Variants in REEP1 observed in about 807,000 individuals in gnomAD.
The protein encoded by REEP1 is receptor expression-enhancing protein 1.
Under a neutral mutation model 40.3 loss-of-function variants are expected in REEP1, and 22 were observed. The ratio of observed to expected loss-of-function variants is 0.55; its 90% CI spans 0.39 to 0.78. REEP1 has a LOEUF of 0.78. Ranked by LOEUF, REEP1 falls within the 30% of genes least tolerant of loss-of-function variation. The pLI is 0.00. For missense variants in REEP1, 280 were observed against 361.1 expected, an observed-to-expected ratio of 0.78 and a Z score of 1.82; for synonymous variants, 116 against 139.2, an observed-to-expected ratio of 0.83 and a Z score of 1.17.
intron 3 of REEP1, among the ~76,000 whole-genome samples, chr2:86,257,646 T>C (rs1232514111): frequency 6.6e-6 from 1 of 151,818 alleles, no homozygotes; most frequent in Non-Finnish European, 1.5e-5. Flanking sequence ...CTTTTTTTTT[T>C]TTTTTTTTGA....
At chr2:86,233,223 G>A (rs1310222938) in intron 5 of REEP1, among the ~76,000 whole-genome samples, 4 of 152,268 alleles carry the variant, frequency 2.6e-5, no homozygotes, top group South Asian at 4.2e-4. Flanking sequence ...TGAGAATCTG[G>A]TCAGGCAATC....
At chr2:86,275,600 A>G (rs1574069428) in intron 2 of REEP1, among the ~76,000 whole-genome samples, 1 of 152,220 alleles carries the variant, frequency 6.6e-6, no homozygotes, top group Non-Finnish European at 1.5e-5. Flanking sequence ...AAATGATTCC[A>G]CCTAGCCAAT....
intron 1 of REEP1, among the ~76,000 whole-genome samples, chr2:86,311,365 C>T (rs544228974): frequency 3.3e-5 from 5 of 152,162 alleles, no homozygotes; most frequent in Admixed American, 2.6e-4. Flanking sequence ...CCTAGGGCTG[C>T]AGTAACAAAG....
intron 8 of REEP1, among the ~76,000 whole-genome samples, chr2:86,218,047 A>G (rs1286237940): frequency 6.6e-6 from 1 of 151,912 alleles, no homozygotes; most frequent in Non-Finnish European, 1.5e-5. Context: ...TTCTTTCTCT[A>G]CACTGTGCCC....
At chr2:86,295,079 C>T (rs1340347898) in intron 1 of REEP1, among the ~76,000 whole-genome samples, 1 of 152,156 alleles carries the variant, frequency 6.6e-6, no homozygotes, top group East Asian at 1.9e-4. Context: ...AGCTGGAAAA[C>T]AGCAGCTTTA....
intron 2 of REEP1, among the ~76,000 whole-genome samples, chr2:86,269,554 T>C (rs956724126): frequency 6.6e-6 from 1 of 152,184 alleles, no homozygotes; most frequent in Non-Finnish European, 1.5e-5. Flanking sequence ...AATTTTGCAT[T>C]GCTCTTTTGA....
intron 5 of REEP1, among the ~76,000 whole-genome samples, chr2:86,247,317 T>C (rs1015454486): frequency 2.6e-5 from 4 of 152,174 alleles, no homozygotes; most frequent in Non-Finnish European, 5.9e-5. Flanking sequence ...GAGGGTGGGA[T>C]AGGGGTTAAA....
chr2:86,267,748 G>A (rs146189529), intron 2 of REEP1, among the ~76,000 whole-genome samples: 10 of 151,790 alleles, frequency 6.6e-5, no homozygotes, highest in African/African-American at 2.4e-4. Flanking sequence ...GGACACCATC[G>A]AGAAAGTAAA....
Position 86,241,485 on chromosome 2 carries a change from A to G in REEP1, c.418-8683T>C, listed in dbSNP as rs117126887. Among the ~76,000 whole-genome samples the G allele has an allele frequency of 5.9e-4, 90 of 152,298 alleles. 6 individuals are homozygous for G. In the East Asian group the frequency reaches 0.015, roughly 25 times the overall value. ...GCTGATCGATCATCAGAAGAGCAGT[A>G]CCCTGGGGTGTGAGAGACTCTAAAA... On this transcript the variant is annotated intron_variant, in intron 5 of 8. Transcript: ENST00000538924.
intron 1 of REEP1, among the ~76,000 whole-genome samples, chr2:86,283,336 G>T (rs1678201058): frequency 6.6e-6 from 1 of 152,158 alleles, no homozygotes; most frequent in African/African-American, 2.4e-5. Context: ...GACAGATGAG[G>T]TCACCCCAGG....
chr2:86,288,594 C>T (rs1484085266), intron 1 of REEP1, among the ~76,000 whole-genome samples: 1 of 152,150 alleles, frequency 6.6e-6, no homozygotes, highest in Non-Finnish European at 1.5e-5. Flanking sequence ...TACATGTCTC[C>T]TTGGGCACAT....
chr2:86,323,896 C>T (rs530154712), intron 1 of REEP1, among the ~76,000 whole-genome samples: 1 of 152,142 alleles, frequency 6.6e-6, no homozygotes, highest in Admixed American at 6.5e-5. Flanking sequence ...CAGGGCACTG[C>T]AGGTCTGAAG....
intron 2 of REEP1, among the ~76,000 whole-genome samples, chr2:86,275,194 C>G (rs1238853399): frequency 1.3e-5 from 2 of 152,138 alleles, no homozygotes; most frequent in East Asian, 3.9e-4. Context: ...CATCTGCTCA[C>G]CGTGGATGGC....
chr2:86,309,382 G>A (rs1679653685), intron 1 of REEP1, among the ~76,000 whole-genome samples: 1 of 152,232 alleles, frequency 6.6e-6, no homozygotes. Flanking sequence ...GGAGAGACCT[G>A]AAGACCAACT....
intron 4 of REEP1, among the ~76,000 whole-genome samples, chr2:86,252,584 A>G (rs1470956489): frequency 6.6e-6 from 1 of 152,228 alleles, no homozygotes; most frequent in Non-Finnish European, 1.5e-5. Context: ...ATTCCAGTAA[A>G]ACATCTAACA....
At chr2:86,318,397 TTTC>T (rs200041817) in intron 1 of REEP1, among the ~76,000 whole-genome samples, 39,844 of 130,912 alleles carry the variant, frequency 0.3, 6,445 homozygotes, top group East Asian at 0.51. Context: ...TTTCTTTTCT[TTTC>T]TTTTTTTTTT....
At chr2:86,245,913 C>T (rs553991307) in intron 5 of REEP1, among the ~76,000 whole-genome samples, 22 of 151,984 alleles carry the variant, frequency 1.4e-4, no homozygotes, top group East Asian at 1.2e-3. Context: ...TACAGGCGCC[C>T]GCCACCACGC....
intron 5 of REEP1, among the ~76,000 whole-genome samples, chr2:86,250,294 G>C (rs930545990): frequency 1.3e-5 from 2 of 152,196 alleles, no homozygotes; most frequent in African/African-American, 4.8e-5. Context: ...AATGAATGGA[G>C]GAAAGAGCAG....
rs1000846394 is a variant in REEP1, at chr2:86,216,257, T to G, written c.*782A>C. On this transcript the variant is annotated 3_prime_UTR_variant, in exon 9 of 9. Transcript: ENST00000538924. Reference sequence around the variant, plus strand: ...AGATTCAGAAGCTCCTAATCCAGAATCCAGGGAGGAGATGAGCTTCCTGTG... The same window carrying G: ...AGATTCAGAAGCTCCTAATCCAGAAGCCAGGGAGGAGATGAGCTTCCTGTG... 2.6e-5 allele frequency: 4 copies of G among 152,186 alleles called. No individual in the cohort carries two copies. Among genetic ancestry groups the G allele is most frequent in the African/African-American group, 9.7e-5 (4 of 41,434 alleles). The allele number at this position is 152,186 out of a possible 1,614,324, so 9.4% of individuals were successfully genotyped here. A position where few individuals can be genotyped will look rare whatever the true frequency, so the allele number is the denominator to read the frequency against.
Sources: gnomAD v4.1 joint callset for allele counts (sites outside exome capture counted in the v4.1 genomes callset) on GRCh38, gnomAD v4.1.1 for gene constraint, MANE v1.5 for transcripts, NCBI Gene and HGNC (gene_info 2026-07-23, HGNC 2026-07-21) for gene names.